THSD7B: variants seen among roughly 807,000 people sequenced by gnomAD.
THSD7B encodes the protein thrombospondin type-1 domain-containing protein 7B.
In THSD7B, 138 loss-of-function variants were observed where a neutral mutation model predicts 213.6. The observed-to-expected ratio is 0.65, with a 90% CI of 0.56 to 0.74. The LOEUF is 0.74. THSD7B is among the 30% of genes least tolerant of loss of function. THSD7B has a pLI of 0.00. For synonymous variants in THSD7B, 742 were observed against 687.0 expected (o/e 1.08, Z -1.25); for missense variants, 1,931 against 1,991.5 (o/e 0.97, Z 0.58).
chr2:137,048,329 G>A (rs1687005541), intron 2 of THSD7B, among the ~76,000 whole-genome samples: 1 of 151,966 alleles, frequency 6.6e-6, no homozygotes, highest in Non-Finnish European at 1.5e-5. Flanking sequence ...TCTTAAAATT[G>A]CAGTTTCAAA....
At chr2:137,101,830 G>A (rs1275502478) in intron 4 of THSD7B, among the ~76,000 whole-genome samples, 1 of 152,228 alleles carries the variant, frequency 6.6e-6, no homozygotes, top group Non-Finnish European at 1.5e-5. Context: ...TAGCCAGACT[G>A]CCTGTCTAGA....
In THSD7B at chr2:137,261,194, G is replaced by A. The variant is rs571859897; in HGVS notation, c.2267-11339G>A. Among the ~76,000 whole-genome samples the A allele has an allele frequency of 5.3e-5, 8 of 152,258 alleles. No individual in the cohort carries two copies. The South Asian group carries it at 1.0e-3, about 20-fold the overall frequency. ...GAGAGTCAAAAAGACAACAGGATGCGACAGAGTTCTTTGTGGAGGTGTAGG... is the reference window on the plus strand; with the variant it reads ...GAGAGTCAAAAAGACAACAGGATGCAACAGAGTTCTTTGTGGAGGTGTAGG... On this transcript the variant is annotated intron_variant, in intron 10 of 27. Transcript: ENST00000409968.
chr2:137,601,831 G>A, intron 17 of THSD7B, among the ~76,000 whole-genome samples: 1 of 152,204 alleles, frequency 6.6e-6, no homozygotes, highest in Non-Finnish European at 1.5e-5. Context: ...CATAATACTT[G>A]AGGTTGCAGG....
At chr2:136,971,987 C>A (rs761245463) in intron 2 of THSD7B, among the ~76,000 whole-genome samples, 1 of 152,036 alleles carries the variant, frequency 6.6e-6, no homozygotes, top group Non-Finnish European at 1.5e-5. Context: ...ATGATAAAGT[C>A]CAGACACAGA....
chr2:137,019,236 C>T (rs1156570108), intron 2 of THSD7B, among the ~76,000 whole-genome samples: 1 of 152,156 alleles, frequency 6.6e-6, no homozygotes, highest in African/African-American at 2.4e-5. Flanking sequence ...TAAGGAGTTA[C>T]TGTATTTTTC....
intron 1 of THSD7B, among the ~76,000 whole-genome samples, chr2:136,776,790 A>T (rs570287074): frequency 6.6e-6 from 1 of 152,320 alleles, no homozygotes; most frequent in Non-Finnish European, 1.5e-5. Context: ...AACTAGGCTG[A>T]TGGAAATATG....
At chr2:137,574,790 T>C (rs534997784) in intron 17 of THSD7B, among the ~76,000 whole-genome samples, 1 of 152,184 alleles carries the variant, frequency 6.6e-6, no homozygotes, top group South Asian at 2.1e-4. Context: ...CATAGGACAA[T>C]CCCAGTCAGT....
rs13409648 is a variant in THSD7B at position 137,062,048 on chromosome 2, C to T, written c.950+4818C>T. On this transcript the variant is annotated intron_variant, in intron 3 of 27. Coordinates refer to ENST00000409968, the MANE Select transcript of THSD7B (RefSeq NM_001316349.2). ...ACAGATTTAGGACTATTCGTATCAT[C>T]GATTTCTCTTTGTGTGTTTTGCTAG... is the stretch of plus-strand genomic sequence containing the variant. Among the ~76,000 whole-genome samples, 3,363 of 151,696 alleles carry T rather than the reference C, an allele frequency of 0.022. 247 individuals are homozygous for T. The East Asian group carries it at 0.26, about 12-fold the overall frequency.
chr2:136,795,897 C>T (rs1014472923), intron 1 of THSD7B, among the ~76,000 whole-genome samples: 3 of 151,938 alleles, frequency 2.0e-5, no homozygotes, highest in African/African-American at 7.2e-5. Context: ...TTATCATATA[C>T]ATTTTTTAAG....
intron 5 of THSD7B, among the ~76,000 whole-genome samples, chr2:137,132,634 A>G (rs932491010): frequency 1.3e-5 from 2 of 152,080 alleles, no homozygotes; most frequent in African/African-American, 4.8e-5. Flanking sequence ...TGTTATCTTT[A>G]CTAACTAAGA....
At position 137,004,228 on chromosome 2, in the gene THSD7B, T is replaced by TATAGATAGGG. The variant is rs1686058091; in HGVS notation, c.140-52191_140-52182dup. Among the ~76,000 whole-genome samples, 2 of 151,688 alleles carry TATAGATAGGG rather than the reference T, an allele frequency of 1.3e-5. 1 individual carries two copies. The highest frequency in any genetic ancestry group is 4.2e-4 in the South Asian group (2 of 4,804). ...ATGAGAAGTCTATGCATTTATACAT[T>TATAGATAGGG]ATAGATAGGGCTGCTGACCTTTATC... On this transcript the variant is annotated intron_variant, in intron 2 of 27. Transcript: ENST00000409968.
intron 2 of THSD7B, among the ~76,000 whole-genome samples, chr2:136,898,646 C>CTTTT (rs34410826): frequency 1.2e-4 from 14 of 121,118 alleles, no homozygotes; most frequent in African/African-American, 4.1e-4. Context: ...GGAACTGAGA[C>CTTTT]TTTTTTTTTT....
At chr2:136,944,765 T>A (rs1399521300) in intron 2 of THSD7B, among the ~76,000 whole-genome samples, 1 of 151,946 alleles carries the variant, frequency 6.6e-6, no homozygotes, top group Non-Finnish European at 1.5e-5. Flanking sequence ...CATCTCTTTA[T>A]TTTGAGCCTA....
intron 5 of THSD7B, among the ~76,000 whole-genome samples, chr2:137,117,046 T>C (rs1432216): frequency 0.87 from 133,054 of 152,180 alleles, 58,565 homozygotes; most frequent in African/African-American, 0.94. Flanking sequence ...GTAACACGAC[T>C]GTATACTCCT....
chr2:137,421,940 C>A (rs1245671637), intron 14 of THSD7B, among the ~76,000 whole-genome samples: 1 of 152,170 alleles, frequency 6.6e-6, no homozygotes, highest in Non-Finnish European at 1.5e-5. Context: ...ATCTGTTTTA[C>A]CTTATTAGGT....
intron 5 of THSD7B, among the ~76,000 whole-genome samples, chr2:137,141,684 C>CGT (rs66506919): frequency 0.028 from 4,276 of 150,536 alleles, 92 homozygotes; most frequent in South Asian, 0.053. Flanking sequence ...TGTGTATGTG[C>CGT]GTGTGTGTGT....
rs188196715 is a variant in THSD7B, at chr2:136,800,796, G to A, written c.-36+35109G>A. ...GCAGAGAGAGAGAGAGAGAGAGAGA[G>A]AGAGATTAACTTCTCAATTTTTTTT... On this transcript the variant is annotated intron_variant, in intron 1 of 27. Transcript: ENST00000409968. Among the ~76,000 whole-genome samples, 8 of 152,022 alleles carry A rather than the reference G, an allele frequency of 5.3e-5. No homozygotes were observed. In the East Asian group the frequency reaches 1.6e-3, roughly 29 times the overall value.
chr2:137,573,684 C>T (rs1681403002), intron 17 of THSD7B, among the ~76,000 whole-genome samples: 1 of 151,990 alleles, frequency 6.6e-6, no homozygotes. Context: ...AGGAACTATT[C>T]CCTTTAGTAC....
intron 15 of THSD7B, among the ~76,000 whole-genome samples, chr2:137,463,219 G>C (rs1687924744): frequency 6.6e-6 from 1 of 152,076 alleles, no homozygotes; most frequent in Non-Finnish European, 1.5e-5. Flanking sequence ...GTAAGCCAGG[G>C]GGCAACTACA....
Sources: allele counts gnomAD v4.1 joint callset (sites outside exome capture counted in the v4.1 genomes callset), GRCh38; gene constraint gnomAD v4.1.1; transcripts MANE v1.5; gene names NCBI Gene and HGNC (gene_info 2026-07-23, HGNC 2026-07-21).